The following DYSF variants were observed in gnomAD, a reference collection of about 807,000 sequenced individuals.
The protein encoded by DYSF is dystrophy-associated fer-1-like 1.
DYSF carries 212 observed loss-of-function variants against 274.9 expected under a neutral mutation model. The ratio of observed to expected loss-of-function variants is 0.77; its 90% CI spans 0.69 to 0.86. DYSF has a LOEUF of 0.86. Among genes scored for constraint, DYSF ranks in the 40% least tolerant of loss-of-function variants. The probability of loss-of-function intolerance (pLI) is 0.00; values close to 1 mark genes in which losing one functional copy is unlikely to be tolerated. For missense variants in DYSF, 2,666 were observed against 2,783.2 expected (o/e 0.96, Z 0.95); for synonymous variants, 1,091 against 1,078.7 (o/e 1.01, Z -0.22).
chr2:71,551,790 C>T (rs2090968950), intron 19 of DYSF, 70 bp downstream of exon 19: 1 of 1,306,652 alleles, frequency 7.7e-7, no homozygotes, highest in African/African-American at 1.4e-5. Context: ...TGGGACTGGC[C>T]TTGAGGTGTC....
At chr2:71,496,985 T>C (rs1466764427) in intron 3 of DYSF, among the ~76,000 whole-genome samples, 1 of 152,176 alleles carries the variant, frequency 6.6e-6, no homozygotes, top group Non-Finnish European at 1.5e-5. Context: ...GTCAGCCTTG[T>C]TATTTGTGTG....
At chr2:71,453,866 A>G in exon 1 of DYSF, 1 of 887,606 alleles carries the variant, frequency 1.1e-6, no homozygotes, top group Non-Finnish European at 1.8e-6. Flanking sequence ...CTAAGCCAGG[A>G]GCCAGAGATT....
rs542244632 is a variant in DYSF, at chr2:71,516,842, G to A, written c.952-147G>A. On this transcript the variant is annotated intron_variant, in intron 9 of 55. Coordinates refer to ENST00000410020, the MANE Select transcript of DYSF (RefSeq NM_001130987.2). ...CAGTATCTGCTGATGGGGTTCCTGTGAGGGCTAAACACTGCTTAGAACAGT... is the reference window on the plus strand; with the variant it reads ...CAGTATCTGCTGATGGGGTTCCTGTAAGGGCTAAACACTGCTTAGAACAGT... 10 of 788,440 alleles carry A rather than the reference G, an allele frequency of 1.3e-5. No homozygotes were observed. In the African/African-American group the frequency reaches 1.3e-4, roughly 11 times the overall value. The allele number at this position is 788,440 out of a possible 1,614,324, so 48.8% of individuals were successfully genotyped here. A position where few individuals can be genotyped will look rare whatever the true frequency, so the allele number is the denominator to read the frequency against.
chr2:71,533,060 C>T (rs2088928332), intron 14 of DYSF, among the ~76,000 whole-genome samples: 1 of 152,122 alleles, frequency 6.6e-6, no homozygotes, highest in Admixed American at 6.6e-5. Context: ...CACTCAGTAG[C>T]CCAGGCTGGA....
At chr2:71,505,774 C>G (rs553657428) in intron 4 of DYSF, among the ~76,000 whole-genome samples, 1 of 152,332 alleles carries the variant, frequency 6.6e-6, no homozygotes, top group Admixed American at 6.5e-5. Flanking sequence ...GGAGCTCACT[C>G]AGGAAGGTGT....
intron 42 of DYSF, among the ~76,000 whole-genome samples, chr2:71,648,332 C>T (rs1211497212): frequency 2.6e-5 from 4 of 151,798 alleles, no homozygotes; most frequent in Non-Finnish European, 5.9e-5. Flanking sequence ...GAGATGAAAA[C>T]GTGAAGTTGG....
chr2:71,667,479 G>T lies in DYSF; in HGVS notation c.5421G>T (p.Arg1807=), dbSNP rs1379550901. ...TGGTCCCGGAGCACGTGGAGTCACG[G>T]CCCCTCTACAGCCCCCTGCAGCCAG... ...QGLVPEHVES[R]PLYSPLQPDI... is the part of the protein sequence containing the mutation. The change falls in exon 48 of 56, where the codon CGG becomes CGT. Residue 1807 remains arginine, a synonymous_variant. Transcript: ENST00000410020. The T allele has an allele frequency of 6.2e-7, 1 of 1,614,036 alleles. No individual in the cohort carries two copies. Among genetic ancestry groups the T allele is most frequent in the African/African-American group, 1.3e-5 (1 of 74,922 alleles).
At chr2:71,535,158 C>T (rs575207271) in intron 15 of DYSF, 69 bp downstream of exon 15, 2 of 1,604,410 alleles carry the variant, frequency 1.2e-6, no homozygotes, top group African/African-American at 2.7e-5. Flanking sequence ...GTCCAGGGCT[C>T]CTGCCTCCCC....
At chr2:71,647,605 C>T (rs540627864) in intron 42 of DYSF, among the ~76,000 whole-genome samples, 7 of 152,240 alleles carry the variant, frequency 4.6e-5, no homozygotes, top group African/African-American at 1.7e-4. Context: ...GTAAGGGCTG[C>T]TCAAAGACAA....
At chr2:71,525,920 C>A (rs566467740) in intron 12 of DYSF, among the ~76,000 whole-genome samples, 1 of 152,190 alleles carries the variant, frequency 6.6e-6, no homozygotes, top group African/African-American at 2.4e-5. Flanking sequence ...TGGGGGAGAG[C>A]GGGAAGGAGA....
rs575537217 is a variant in DYSF at position 71,569,907 on chromosome 2, C to G, written c.2952C>G (p.Ile984Met). 2 of 1,614,142 alleles carry G rather than the reference C, an allele frequency of 1.2e-6. No individual in the cohort carries two copies. The highest frequency in any genetic ancestry group is 2.7e-5 in the African/African-American group (2 of 75,068). Residue 984 changes from isoleucine (I) to methionine (M), a missense_variant, in exon 27 of 56, where the codon ATC becomes ATG. Ile to Met is a conservative substitution (Grantham distance 10, BLOSUM62 1). Around this residue, in one of 3 missense-constraint regions of DYSF, gnomAD observed 412 missense variants for 504.0 expected, o/e 0.82. Coordinates refer to ENST00000410020, the MANE Select transcript of DYSF (RefSeq NM_001130987.2). ...NQTRLPGGQW[I>M]YMSDNYTDVN... ...CCCGGCTTCCCGGAGGCCAGTGGAT[C>G]TACATGAGTGACAACTACACCGATG...
At chr2:71,626,964 T>G (rs1196845794) in intron 41 of DYSF, among the ~76,000 whole-genome samples, 1 of 151,762 alleles carries the variant, frequency 6.6e-6, no homozygotes, top group African/African-American at 2.4e-5. Context: ...ATATTTTTTA[T>G]GATCTCTTAA....
chr2:71,525,024 T>C (rs1033888954), intron 12 of DYSF, among the ~76,000 whole-genome samples: 1 of 152,246 alleles, frequency 6.6e-6, no homozygotes, highest in African/African-American at 2.4e-5. Context: ...CCACACCTGC[T>C]GAACTAGAAC....
intron 38 of DYSF, among the ~76,000 whole-genome samples, chr2:71,612,348 G>T (rs921883082): frequency 2.6e-5 from 4 of 152,196 alleles, no homozygotes; most frequent in Non-Finnish European, 4.4e-5. Context: ...AACTCCCCTC[G>T]CCCGCTCCCC....
rs536225677 is a variant in DYSF at position 71,634,170 on chromosome 2, T to TG, written c.4528-9790dup. Among the ~76,000 whole-genome samples the TG allele has an allele frequency of 7.9e-4, 120 of 152,256 alleles. 1 individual carries two copies. The highest frequency in any genetic ancestry group is 3.5e-3 in the Admixed American group (54 of 15,286). The stretch of plus-strand genomic sequence containing the variant: ...AATGAGGGGCCTTGAACCTTGAGCA[T>TG]GGGGGAGTGGTGTTTTAATGGCCAG... On this transcript the variant is annotated intron_variant, in intron 41 of 55. Coordinates refer to ENST00000410020, the MANE Select transcript of DYSF (RefSeq NM_001130987.2).
chr2:71,497,866 A>G (rs1199693233), intron 3 of DYSF, among the ~76,000 whole-genome samples: 1 of 152,182 alleles, frequency 6.6e-6, no homozygotes, highest in East Asian at 1.9e-4. Flanking sequence ...CTAAAGACCT[A>G]AGTGTCTAAC....
At chr2:71,580,151 G>A (rs535798920) in intron 30 of DYSF, among the ~76,000 whole-genome samples, 229 of 152,364 alleles carry the variant, frequency 1.5e-3, no homozygotes, top group African/African-American at 5.2e-3. Context: ...GATGCTGCTG[G>A]CTAGAGGCCT....
At position 71,681,006 on chromosome 2, in the gene DYSF, G is replaced by C. The variant is rs1179232316; in HGVS notation, c.6069G>C (p.Lys2023Asn). The part of the protein sequence containing the change: ...EEGEKKILAG[K>N]LEMTLEIVAE... ...AGTGCTCTCTGTCCCCTCAGGGCAA[G>C]CTGGAAATGACCTTGGAGATTGTAG... The change falls in exon 54 of 56, where the codon AAG (lysine) becomes AAC (asparagine). Residue 2023 changes from lysine to asparagine, a missense_variant. Around this residue, in one of 3 missense-constraint regions of DYSF, gnomAD observed 1,460 missense variants for 1,502.1 expected, o/e 0.97. Transcript: ENST00000410020. 1.2e-6 allele frequency: 2 copies of C among 1,614,126 alleles called. No homozygotes were observed. The highest frequency in any genetic ancestry group is 1.7e-6 in the Non-Finnish European group (2 of 1,180,032).
At chr2:71,535,428 GGTAA>G in intron 16 of DYSF, 117 bp downstream of exon 16, 1 of 1,115,656 alleles carries the variant, frequency 9.0e-7, no homozygotes, top group Admixed American at 1.7e-5. Context: ...TTTCAGGTGA[GGTAA>G]TGTCCCCTTG....
Sources: allele counts gnomAD v4.1 joint callset (sites outside exome capture counted in the v4.1 genomes callset), GRCh38; gene constraint gnomAD v4.1.1; regional missense constraint gnomAD v4.1.1; transcripts MANE v1.5; gene names NCBI Gene and HGNC (gene_info 2026-07-23, HGNC 2026-07-21).